PTPRD: variants seen among roughly 807,000 people sequenced by gnomAD.
The protein encoded by PTPRD is receptor-type tyrosine-protein phosphatase delta.
In PTPRD, 34 loss-of-function variants were observed where a neutral mutation model predicts 214.5. That is an observed-to-expected ratio of 0.16 (90% CI 0.12 to 0.21). The LOEUF (loss-of-function observed/expected upper bound fraction) is 0.21, where lower values mean the gene tolerates loss of function less well. Ranked by LOEUF, PTPRD falls within the 10% of genes least tolerant of loss-of-function variation. The probability of loss-of-function intolerance (pLI) is 1.00; values close to 1 mark genes in which losing one functional copy is unlikely to be tolerated. For missense variants in PTPRD, 2,545 were observed against 2,398.7 expected (o/e 1.06, Z -1.27); for synonymous variants, 1,128 against 845.7 (o/e 1.33, Z -5.79).
intron 10 of PTPRD, among the ~76,000 whole-genome samples, chr9:9,166,447 C>G (rs927900866): frequency 4.6e-5 from 7 of 152,080 alleles, no homozygotes; most frequent in African/African-American, 1.4e-4. Flanking sequence ...TCATCTCATT[C>G]CCCCAGCTGA....
intron 14 of PTPRD, among the ~76,000 whole-genome samples, chr9:8,584,847 T>C (rs776560580): frequency 3.3e-5 from 5 of 152,146 alleles, no homozygotes; most frequent in Admixed American, 6.5e-5. Flanking sequence ...TACAATCACG[T>C]TGGAAGCGGA....
intron 4 of PTPRD, among the ~76,000 whole-genome samples, chr9:9,954,793 A>G (rs879451719): frequency 6.6e-6 from 1 of 152,146 alleles, no homozygotes; most frequent in Non-Finnish European, 1.5e-5. Flanking sequence ...AATAGATACA[A>G]GTAACTATAT....
chr9:9,425,874 GA>G (rs111451563), intron 8 of PTPRD, among the ~76,000 whole-genome samples: 9,707 of 151,976 alleles, frequency 0.064, 346 homozygotes, highest in Middle Eastern at 0.17. Context: ...ATAATGTGAA[GA>G]AAAAATGAAT....
intron 7 of PTPRD, among the ~76,000 whole-genome samples, chr9:9,705,434 C>T (rs1299859612): frequency 1.3e-5 from 2 of 152,016 alleles, no homozygotes. Flanking sequence ...TATATTAAAA[C>T]ACTCTGAAGT....
At chr9:8,917,134 T>TC (rs1491205329) in intron 11 of PTPRD, among the ~76,000 whole-genome samples, 1 of 144,652 alleles carries the variant, frequency 6.9e-6, no homozygotes, top group Non-Finnish European at 1.5e-5. Context: ...TTCTTCTTCT[T>TC]CTTTTTTTTT....
At chr9:10,098,947 T>C (rs1293054425) in intron 3 of PTPRD, among the ~76,000 whole-genome samples, 4 of 151,730 alleles carry the variant, frequency 2.6e-5, no homozygotes, top group Admixed American at 6.6e-5. Flanking sequence ...AGAAGTCAAA[T>C]AGAATTTCAT....
At chr9:9,696,272 T>A (rs575695224) in intron 7 of PTPRD, among the ~76,000 whole-genome samples, 1 of 152,306 alleles carries the variant, frequency 6.6e-6, no homozygotes, top group East Asian at 1.9e-4. Flanking sequence ...AAATGTGTAT[T>A]CTGCAGCAAT....
intron 12 of PTPRD, among the ~76,000 whole-genome samples, chr9:8,726,026 G>C (rs72702310): frequency 0.062 from 8,674 of 138,860 alleles, 814 homozygotes; most frequent in African/African-American, 0.21. Context: ...CAGACAGACA[G>C]ACACACACAC....
At chr9:9,862,140 A>T (rs1428096615) in intron 5 of PTPRD, among the ~76,000 whole-genome samples, 1 of 152,018 alleles carries the variant, frequency 6.6e-6, no homozygotes, top group Non-Finnish European at 1.5e-5. Context: ...CTTTTTTCTC[A>T]CCAACTTATT....
chr9:8,337,868 G>A (rs1220384881), intron 43 of PTPRD, among the ~76,000 whole-genome samples: 1 of 146,210 alleles, frequency 6.8e-6, no homozygotes, highest in Non-Finnish European at 1.5e-5. Flanking sequence ...TTCTGAAAGA[G>A]CACTATTTTT....
chr9:8,330,505 C>G (rs983026837), intron 44 of PTPRD, among the ~76,000 whole-genome samples: 1 of 152,144 alleles, frequency 6.6e-6, no homozygotes, highest in African/African-American at 2.4e-5. Context: ...GTATTTGATT[C>G]CATGTGTCAT....
intron 5 of PTPRD, among the ~76,000 whole-genome samples, chr9:9,825,050 T>A (rs2052241470): frequency 6.6e-6 from 1 of 151,996 alleles, no homozygotes; most frequent in Non-Finnish European, 1.5e-5. Flanking sequence ...TTATGCTCAG[T>A]TCCTAAATCC....
At chr9:10,388,641 C>G (rs1028338184) in intron 2 of PTPRD, among the ~76,000 whole-genome samples, 8 of 151,882 alleles carry the variant, frequency 5.3e-5, no homozygotes, top group East Asian at 2.0e-4. Flanking sequence ...AAAAGGAAGG[C>G]AGAGGCTTTG....
intron 39 of PTPRD, among the ~76,000 whole-genome samples, chr9:8,342,250 T>C (rs945144494): frequency 4.6e-5 from 7 of 152,040 alleles, no homozygotes; most frequent in African/African-American, 1.7e-4. Flanking sequence ...GATCATGCAA[T>C]ACAAAGTGAA....
At chr9:9,427,769 A>T (rs985931985) in intron 8 of PTPRD, among the ~76,000 whole-genome samples, 1 of 152,224 alleles carries the variant, frequency 6.6e-6, no homozygotes, top group Non-Finnish European at 1.5e-5. Context: ...AACATGCTTA[A>T]AGAAAGGAAT....
At chr9:10,092,285 A>T (rs536779267) in intron 3 of PTPRD, among the ~76,000 whole-genome samples, 2 of 151,564 alleles carry the variant, frequency 1.3e-5, no homozygotes, top group South Asian at 2.1e-4. Context: ...TGCTTCTGTT[A>T]TTCCTTAATA....
chr9:9,236,253 C>G lies in PTPRD; in HGVS notation c.-202-52890G>C, dbSNP rs1259428105. On this transcript the variant is annotated intron_variant, in intron 9 of 45. Coordinates refer to ENST00000381196, the MANE Select transcript of PTPRD (RefSeq NM_002839.4). ...GGGCAACAAGAACAAAACCCCATCC[C>G]AAAATAAATAAATAAATACACAAAT... Among the ~76,000 whole-genome samples the G allele has an allele frequency of 2.6e-5, 4 of 151,974 alleles. No homozygotes were observed. In the East Asian group the frequency reaches 7.7e-4, roughly 29 times the overall value.
At chr9:8,791,131 G>T (rs2096213573) in intron 11 of PTPRD, among the ~76,000 whole-genome samples, 1 of 152,192 alleles carries the variant, frequency 6.6e-6, no homozygotes, top group Admixed American at 6.6e-5. Context: ...CCTCAAAGAG[G>T]CCAATTACAT....
At chr9:9,415,240 C>T (rs757409151) in intron 8 of PTPRD, among the ~76,000 whole-genome samples, 4 of 152,058 alleles carry the variant, frequency 2.6e-5, no homozygotes, top group Non-Finnish European at 5.9e-5. Flanking sequence ...CTTTGGGAGA[C>T]GAAGGCGGGC....
Sources: gnomAD v4.1 joint callset for allele counts (sites outside exome capture counted in the v4.1 genomes callset) on GRCh38, gnomAD v4.1.1 for gene constraint, MANE v1.5 for transcripts, NCBI Gene and HGNC (gene_info 2026-07-23, HGNC 2026-07-21) for gene names.